ABTB3: variants seen among roughly 807,000 people sequenced by gnomAD.
ABTB3 encodes the protein ankyrin repeat- and BTB/POZ domain-containing protein 3.
chr12:107,355,648 AT>A, the ABTB3 span, among the ~76,000 whole-genome samples: 1 of 152,208 alleles, frequency 6.6e-6, no homozygotes, highest in Non-Finnish European at 1.5e-5. Flanking sequence ...ATGAAATTGC[AT>A]CTAACAGGTT....
the ABTB3 span, among the ~76,000 whole-genome samples, chr12:107,387,276 C>T: frequency 1.3e-4 from 20 of 152,328 alleles, 1 homozygote; most frequent in African/African-American, 4.8e-4. Context: ...CTGTGCCTGG[C>T]CAAGTCAGCT....
At chr12:107,367,903 A>G in the ABTB3 span, among the ~76,000 whole-genome samples, 2 of 152,202 alleles carry the variant, frequency 1.3e-5, no homozygotes, top group Non-Finnish European at 2.9e-5. Flanking sequence ...GAACAGGTAC[A>G]TGTCTTTATA....
At chr12:107,467,853 C>T in the ABTB3 span, among the ~76,000 whole-genome samples, 3 of 152,066 alleles carry the variant, frequency 2.0e-5, no homozygotes, top group East Asian at 1.9e-4. Context: ...TTTCTCTGAC[C>T]GCTATTAAAC....
At chr12:107,435,867 A>T in the ABTB3 span, among the ~76,000 whole-genome samples, 1 of 152,222 alleles carries the variant, frequency 6.6e-6, no homozygotes, top group Non-Finnish European at 1.5e-5. Context: ...AATGTTCTGT[A>T]TCTGTGCTGT....
the ABTB3 span, among the ~76,000 whole-genome samples, chr12:107,582,239 T>TG: frequency 6.6e-6 from 1 of 152,162 alleles, no homozygotes; most frequent in Non-Finnish European, 1.5e-5. Flanking sequence ...TATTGGATGT[T>TG]TACCACATGC....
the ABTB3 span, among the ~76,000 whole-genome samples, chr12:107,520,906 T>C: frequency 6.6e-6 from 1 of 152,296 alleles, no homozygotes; most frequent in East Asian, 1.9e-4. Context: ...TTCTATAAAC[T>C]AGAGAAAATA....
chr12:107,617,133 T>C, the ABTB3 span: 98 of 1,614,158 alleles, frequency 6.1e-5, 2 homozygotes, highest in East Asian at 2.1e-3. Flanking sequence ...CAGTGGAGCA[T>C]GGCGAGGAGA....
At chr12:107,485,635 A>C in the ABTB3 span, among the ~76,000 whole-genome samples, 1 of 152,192 alleles carries the variant, frequency 6.6e-6, no homozygotes. Context: ...CCACTCTACC[A>C]GACCAAAAAA....
the ABTB3 span, among the ~76,000 whole-genome samples, chr12:107,601,487 G>C: frequency 6.6e-6 from 1 of 152,318 alleles, no homozygotes; most frequent in Non-Finnish European, 1.5e-5. Context: ...GGGGCTGCTC[G>C]GGCCTTTTGT....
the ABTB3 span, among the ~76,000 whole-genome samples, chr12:107,476,117 T>C: frequency 6.6e-6 from 1 of 152,136 alleles, no homozygotes. Context: ...TTTGGTAGGC[T>C]GGGGAGAGGT....
chr12:107,568,777 T>C, the ABTB3 span, among the ~76,000 whole-genome samples: 1 of 152,184 alleles, frequency 6.6e-6, no homozygotes, highest in African/African-American at 2.4e-5. Flanking sequence ...TATTTTAAGC[T>C]AGAAGAGAAG....
chr12:107,645,854 T>C, the ABTB3 span, among the ~76,000 whole-genome samples: 2 of 152,132 alleles, frequency 1.3e-5, no homozygotes, highest in Non-Finnish European at 2.9e-5. Flanking sequence ...CGCGTTACTG[T>C]AATGGGAAGG....
At chr12:107,560,198 G>T in the ABTB3 span, among the ~76,000 whole-genome samples, 57,304 of 151,616 alleles carry the variant, frequency 0.38, 10,896 homozygotes, top group African/African-American at 0.39. Flanking sequence ...CAGGGTTCGT[G>T]GCCATTTGAG....
the ABTB3 span, among the ~76,000 whole-genome samples, chr12:107,488,122 G>A: frequency 2.6e-5 from 4 of 152,092 alleles, no homozygotes; most frequent in African/African-American, 9.7e-5. Flanking sequence ...AAACTGGGTA[G>A]CAGATTCAGT....
chr12:107,390,798 T>C, the ABTB3 span, among the ~76,000 whole-genome samples: 24 of 152,214 alleles, frequency 1.6e-4, no homozygotes, highest in Non-Finnish European at 2.9e-4. Context: ...GGTGATAGTT[T>C]AACTTACATA....
chr12:107,577,890 T>C, the ABTB3 span, among the ~76,000 whole-genome samples: 1 of 152,304 alleles, frequency 6.6e-6, no homozygotes, highest in East Asian at 1.9e-4. Context: ...GCTTCTGATG[T>C]TCAACAAAGT....
the ABTB3 span, chr12:107,609,998 A>G: frequency 1.6e-6 from 1 of 636,960 alleles, no homozygotes; most frequent in Non-Finnish European, 2.7e-6. Context: ...ACAGGAGACT[A>G]GACAGATTCA....
the ABTB3 span, among the ~76,000 whole-genome samples, chr12:107,554,411 G>A: frequency 6.6e-6 from 1 of 151,908 alleles, no homozygotes; most frequent in African/African-American, 2.4e-5. Flanking sequence ...ATACTCATTA[G>A]CTGTGTGGCC....
chr12:107,454,919 A>C, the ABTB3 span, among the ~76,000 whole-genome samples: 1 of 152,188 alleles, frequency 6.6e-6, no homozygotes, highest in Non-Finnish European at 1.5e-5. Context: ...TTATTGTTAC[A>C]GTCATATTTA....
Sources: gnomAD v4.1 joint callset for allele counts (sites outside exome capture counted in the v4.1 genomes callset) on GRCh38, gnomAD v4.1.1 for gene constraint, MANE v1.5 for transcripts, NCBI Gene and HGNC (gene_info 2026-07-23, HGNC 2026-07-21) for gene names.